Variants in ZFYVE28 observed in about 807,000 individuals in gnomAD.
ZFYVE28 encodes the protein lateral signaling target protein 2 homolog.
A neutral mutation model predicts 82.1 loss-of-function variants in ZFYVE28; 40 were observed. The observed-to-expected ratio is 0.49, with a 90% CI of 0.38 to 0.63. The LOEUF is 0.63. ZFYVE28 is among the 30% of genes least tolerant of loss of function. ZFYVE28 has a pLI of 0.00. For synonymous variants in ZFYVE28, 612 were observed against 546.1 expected (o/e 1.12, Z -1.68); for missense variants, 1,321 against 1,242.1 (o/e 1.06, Z -0.96).
rs1722745438 is a variant in ZFYVE28, at chr4:2,341,220, T to C, written c.318+258A>G. On this transcript the variant is annotated intron_variant, in intron 3 of 12. Coordinates refer to ENST00000290974, the MANE Select transcript of ZFYVE28 (RefSeq NM_020972.3). This position sits in a 1 kb window ranked among gnomAD's most constrained non-coding sequence, Gnocchi z 4.5. ...TTTAGGTCCTGGCTGTCTGGGGGCC[T>C]GTGAACCTCATAAAAACCACATGGG... The C allele has an allele frequency of 1.8e-6, 1 of 557,804 alleles. No homozygotes were observed. The highest frequency in any genetic ancestry group is 3.2e-6 in the Non-Finnish European group (1 of 313,758). The allele number at this position is 557,804 out of a possible 1,614,324, so 34.6% of individuals were successfully genotyped here.
At chr4:2,399,133 GTGGT>G (rs1730889059) in intron 1 of ZFYVE28, among the ~76,000 whole-genome samples, 4 of 151,720 alleles carry the variant, frequency 2.6e-5, no homozygotes, top group South Asian at 2.1e-4. Flanking sequence ...CACAAGCTGG[GTGGT>G]GAGATCCAGG....
rs1716457615 is a variant in ZFYVE28, at chr4:2,305,660, G to C, written c.804-124C>G. ...AACAACAGCCAGGCACTGAATGCTT[G>C]CAACTGAATTCTCAAGGCACCAGCA... On this transcript the variant is annotated intron_variant, in intron 7 of 12. Coordinates refer to ENST00000290974, the MANE Select transcript of ZFYVE28 (RefSeq NM_020972.3). 6.8e-6 allele frequency: 8 copies of C among 1,181,800 alleles called. No individual in the cohort carries two copies. In the South Asian group the frequency reaches 1.2e-4, roughly 18 times the overall value. The allele number at this position is 1,181,800 out of a possible 1,614,324, so 73.2% of individuals were successfully genotyped here. A position where few individuals can be genotyped will look rare whatever the true frequency, so the allele number is the denominator to read the frequency against.
intron 5 of ZFYVE28, among the ~76,000 whole-genome samples, chr4:2,336,292 G>A (rs1265058242): frequency 6.6e-6 from 1 of 152,170 alleles, no homozygotes; most frequent in East Asian, 1.9e-4. Context: ...AGGCCTGCTG[G>A]CATCGTGACT....
intron 8 of ZFYVE28, among the ~76,000 whole-genome samples, chr4:2,276,302 C>A (rs1466017939): frequency 6.6e-6 from 1 of 152,250 alleles, no homozygotes; most frequent in African/African-American, 2.4e-5. Flanking sequence ...GGGACCCCAA[C>A]AATGCTCCGT....
intron 7 of ZFYVE28, among the ~76,000 whole-genome samples, chr4:2,311,987 G>A (rs1717530379): frequency 6.6e-6 from 1 of 152,168 alleles, no homozygotes; most frequent in Non-Finnish European, 1.5e-5. Context: ...ATTAAAGGGG[G>A]CAAATTAGAT....
intron 8 of ZFYVE28, among the ~76,000 whole-genome samples, chr4:2,303,938 A>C (rs1463458266): frequency 6.6e-6 from 1 of 152,222 alleles, no homozygotes; most frequent in Non-Finnish European, 1.5e-5. Context: ...TGCCCCGCAC[A>C]GGCACGCGGC....
intron 1 of ZFYVE28, among the ~76,000 whole-genome samples, chr4:2,405,772 G>A (rs946135533): frequency 6.6e-6 from 1 of 152,252 alleles, no homozygotes; most frequent in Non-Finnish European, 1.5e-5. Flanking sequence ...CACTGGCTGG[G>A]CGCAGTGGCT....
intron 1 of ZFYVE28, among the ~76,000 whole-genome samples, chr4:2,415,134 T>C (rs910156835): frequency 6.6e-6 from 1 of 152,244 alleles, no homozygotes; most frequent in Non-Finnish European, 1.5e-5. Flanking sequence ...TGTTAAACTT[T>C]TGTATTATTC....
chr4:2,374,457 A>C (rs977068375), intron 1 of ZFYVE28, among the ~76,000 whole-genome samples: 5 of 152,138 alleles, frequency 3.3e-5, no homozygotes, highest in African/African-American at 7.2e-5. Context: ...ATAAAAAAAA[A>C]CAAAAATTAG....
rs142658124 is a variant in ZFYVE28, at chr4:2,321,210, C to T, written c.702-939G>A. On this transcript the variant is annotated intron_variant, in intron 6 of 12. Transcript: ENST00000290974. The stretch of plus-strand genomic sequence containing the variant: ...ACAGACAAGGGCCATGTGGGCCTGT[C>T]TGTGTAAATGGAGCACCACCGGCCT... Among the ~76,000 whole-genome samples the T allele has an allele frequency of 2.2e-4, 33 of 152,130 alleles. No individual in the cohort carries two copies. In the East Asian group the frequency reaches 5.6e-3, roughly 26 times the overall value.
Position 2,337,423 on chromosome 4 carries a change from A to G in ZFYVE28, c.595T>C (p.Cys199Arg). 1 of 1,608,598 alleles carries G rather than the reference A, an allele frequency of 6.2e-7. No homozygotes were observed. The highest frequency in any genetic ancestry group is 8.5e-7 in the Non-Finnish European group (1 of 1,177,162). Residue 199 changes from cysteine to arginine, a missense_variant, in exon 5 of 13, where the codon TGC becomes CGC. Transcript: ENST00000290974. ...YVQQEVIVLFCETVERALDFG... is the reference protein window; with the variant it reads ...YVQQEVIVLFRETVERALDFG... ...TGTGCTCACCTCTCCACCGTCTCGC[A>G]GAAGAGCACGATGACCTCCTGCTGC...
intron 7 of ZFYVE28, among the ~76,000 whole-genome samples, chr4:2,318,611 C>T (rs546185338): frequency 7.4e-4 from 113 of 152,222 alleles, no homozygotes; most frequent in Middle Eastern, 3.4e-3. Context: ...CCTGGGTGGG[C>T]GGGGGGCACA....
At chr4:2,290,147 C>G (rs1360117870) in intron 8 of ZFYVE28, among the ~76,000 whole-genome samples, 7 of 152,302 alleles carry the variant, frequency 4.6e-5, no homozygotes. Context: ...CCAGGGGACT[C>G]ACGTGCAAGA....
chr4:2,337,362 A>G (rs1721993370), intron 5 of ZFYVE28, 45 bp downstream of exon 5: 1 of 1,526,266 alleles, frequency 6.6e-7, no homozygotes, highest in Non-Finnish European at 8.9e-7. Context: ...TGAGGCAGGG[A>G]CTCCCCAGAT....
At chr4:2,415,062 T>C (rs1732891271) in intron 1 of ZFYVE28, among the ~76,000 whole-genome samples, 3 of 152,356 alleles carry the variant, frequency 2.0e-5, no homozygotes, top group South Asian at 2.1e-4. Flanking sequence ...AAAAATCATA[T>C]TGGTGTTTAA....
intron 2 of ZFYVE28, among the ~76,000 whole-genome samples, chr4:2,350,759 C>T (rs902660392): frequency 6.6e-6 from 1 of 152,196 alleles, no homozygotes; most frequent in Admixed American, 6.5e-5. Context: ...TCAATCATGG[C>T]TCTATAATGA....
chr4:2,366,131 T>C (rs3135142), intron 1 of ZFYVE28, among the ~76,000 whole-genome samples: 101,326 of 151,774 alleles, frequency 0.67, 34,132 homozygotes, highest in East Asian at 0.8. Context: ...AAGAGACTTC[T>C]GGGGGGAGTG....
At chr4:2,276,699 A>G (rs943944255) in intron 8 of ZFYVE28, among the ~76,000 whole-genome samples, 4 of 151,930 alleles carry the variant, frequency 2.6e-5, no homozygotes, top group African/African-American at 9.7e-5. Flanking sequence ...GAGTGAAACA[A>G]CCCAGCTACC....
rs1730909022 is a variant in ZFYVE28 at position 2,399,235 on chromosome 4, G to A, written c.39+19050C>T. ...GTGATAACCAGTGCACAATGTGGGG[G>A]GTTGAGATCCAGCCCTGCATTGGGG... On this transcript the variant is annotated intron_variant, in intron 1 of 12. Transcript: ENST00000290974. Among the ~76,000 whole-genome samples, 11 of 152,188 alleles carry A rather than the reference G, an allele frequency of 7.2e-5. No homozygotes were observed. The South Asian group carries it at 2.3e-3, about 32-fold the overall frequency.
Sources: allele counts gnomAD v4.1 joint callset (sites outside exome capture counted in the v4.1 genomes callset), GRCh38; gene constraint gnomAD v4.1.1; non-coding constraint Gnocchi (gnomAD v3.1); transcripts MANE v1.5; gene names NCBI Gene and HGNC (gene_info 2026-07-23, HGNC 2026-07-21).